Variants in ZFHX3 observed in about 807,000 individuals in gnomAD.
The protein encoded by ZFHX3 is zinc finger homeobox protein 3.
ZFHX3 carries 42 observed loss-of-function variants against 279.1 expected under a neutral mutation model. The observed-to-expected ratio is 0.15, with a 90% CI of 0.12 to 0.19. The LOEUF (loss-of-function observed/expected upper bound fraction) is 0.19. Among genes scored for constraint, ZFHX3 ranks in the 10% least tolerant of loss-of-function variants. The pLI, the probability that ZFHX3 is intolerant of heterozygous loss-of-function variation, is 1.00. For synonymous variants in ZFHX3, 2,293 were observed against 1,957.8 expected, an observed-to-expected ratio of 1.17 and a Z score of -4.52; for missense variants, 4,981 against 4,754.0, an observed-to-expected ratio of 1.05 and a Z score of -1.40.
intron 2 of ZFHX3, among the ~76,000 whole-genome samples, chr16:73,562,412 G>A (rs953931115): frequency 1.3e-5 from 2 of 151,986 alleles, no homozygotes; most frequent in Non-Finnish European, 2.9e-5. Flanking sequence ...TGGCTAACAC[G>A]GTGAAACCCT....
At chr16:73,347,225 A>G (rs1347137826) in intron 3 of ZFHX3, among the ~76,000 whole-genome samples, 1 of 152,224 alleles carries the variant, frequency 6.6e-6, no homozygotes, top group Admixed American at 6.5e-5. Flanking sequence ...ACTTCCTGAC[A>G]CAGCAGGGCC....
At chr16:73,693,577 T>C (rs141118363) in intron 1 of ZFHX3, among the ~76,000 whole-genome samples, 2,326 of 151,480 alleles carry the variant, frequency 0.015, 57 homozygotes, top group African/African-American at 0.053. Context: ...AAGAGGAAAG[T>C]TGGGTTCTTT....
chr16:73,820,066 G>A (rs995483116), intron 1 of ZFHX3, among the ~76,000 whole-genome samples: 5 of 152,162 alleles, frequency 3.3e-5, no homozygotes, highest in Non-Finnish European at 5.9e-5. Flanking sequence ...CAACATGGCA[G>A]AAGTGACGCA....
intron 2 of ZFHX3, among the ~76,000 whole-genome samples, chr16:73,537,908 T>G (rs1166041962): frequency 6.6e-6 from 1 of 152,234 alleles, no homozygotes; most frequent in African/African-American, 2.4e-5. Flanking sequence ...ATTCGACTTA[T>G]CGATACAATC....
At chr16:72,871,129 TA>T (rs2038150869) in intron 4 of ZFHX3, among the ~76,000 whole-genome samples, 1 of 152,218 alleles carries the variant, frequency 6.6e-6, no homozygotes, top group South Asian at 2.1e-4. Flanking sequence ...TCTTACTATG[TA>T]AAGTACATTA....
chr16:72,998,848 G>C (rs1311217214), intron 1 of ZFHX3, among the ~76,000 whole-genome samples: 3 of 152,202 alleles, frequency 2.0e-5, no homozygotes, highest in African/African-American at 7.2e-5. Context: ...GATTTTCACA[G>C]AATTGTGTAC....
At chr16:72,935,345 C>T (rs1003036191) in intron 3 of ZFHX3, among the ~76,000 whole-genome samples, 4 of 152,114 alleles carry the variant, frequency 2.6e-5, no homozygotes, top group Non-Finnish European at 5.9e-5. Context: ...CAAAGACGCT[C>T]GCCCAAGGAT....
chr16:73,181,135 T>A (rs1967785375), intron 5 of ZFHX3, among the ~76,000 whole-genome samples: 1 of 150,614 alleles, frequency 6.6e-6, no homozygotes, highest in African/African-American at 2.4e-5. Context: ...GGAGTCTTGC[T>A]CTGTTGCCAG....
intron 5 of ZFHX3, among the ~76,000 whole-genome samples, chr16:73,242,229 T>C (rs2013144927): frequency 6.6e-6 from 1 of 152,046 alleles, no homozygotes; most frequent in African/African-American, 2.4e-5. Flanking sequence ...ATCACAAAGG[T>C]AGTCAGGGCA....
intron 5 of ZFHX3, among the ~76,000 whole-genome samples, chr16:73,182,227 C>T (rs974669644): frequency 6.6e-6 from 1 of 152,140 alleles, no homozygotes; most frequent in Non-Finnish European, 1.5e-5. Flanking sequence ...GAGGCCAAGG[C>T]GGGCAGATCA....
intron 6 of ZFHX3, among the ~76,000 whole-genome samples, chr16:73,135,307 G>A (rs1966768816): frequency 6.6e-6 from 1 of 152,148 alleles, no homozygotes; most frequent in South Asian, 2.1e-4. Context: ...TCATTCACCA[G>A]CTCAATATGT....
chr16:73,891,311 C>G (rs2030530037), intron 1 of ZFHX3, among the ~76,000 whole-genome samples: 1 of 152,118 alleles, frequency 6.6e-6, no homozygotes, highest in African/African-American at 2.4e-5. Flanking sequence ...AGATCAGACG[C>G]TAAGACAGGG....
At chr16:72,936,993 C>A (rs8049875) in intron 3 of ZFHX3, among the ~76,000 whole-genome samples, 15,349 of 152,078 alleles carry the variant, frequency 0.1, 1,018 homozygotes, top group African/African-American at 0.19. Flanking sequence ...GAGCAAAAGA[C>A]AAGGAGCCCC....
chr16:73,234,081 G>T (rs893061329), intron 5 of ZFHX3: 1 of 152,522 alleles, frequency 6.6e-6, no homozygotes, highest in Non-Finnish European at 1.5e-5. Context: ...GCAAATGTGT[G>T]CTTGTATGAG....
chr16:72,955,314 T>TC (rs1961201323), intron 2 of ZFHX3, among the ~76,000 whole-genome samples: 1 of 152,208 alleles, frequency 6.6e-6, no homozygotes, highest in South Asian at 2.1e-4. Flanking sequence ...GTGTGGCCCT[T>TC]CCATGTGTGT....
chr16:73,814,252 G>C (rs1309721713), intron 1 of ZFHX3, among the ~76,000 whole-genome samples: 1 of 152,054 alleles, frequency 6.6e-6, no homozygotes, highest in Non-Finnish European at 1.5e-5. Flanking sequence ...CAAATGGAGA[G>C]ACAATAAATG....
chr16:73,629,339 A>G (rs576644022), intron 2 of ZFHX3, among the ~76,000 whole-genome samples: 1 of 152,266 alleles, frequency 6.6e-6, no homozygotes, highest in African/African-American at 2.4e-5. Context: ...GTCTGACTCC[A>G]GCAGATTCAG....
chr16:73,067,606 T>G (rs1329780694), intron 8 of ZFHX3, among the ~76,000 whole-genome samples: 3 of 152,222 alleles, frequency 2.0e-5, no homozygotes. Flanking sequence ...GCTGTGCAGT[T>G]GGAATGGACC....
chr16:72,963,770 C>A (rs1567609217), intron 1 of ZFHX3, among the ~76,000 whole-genome samples: 1 of 152,140 alleles, frequency 6.6e-6, no homozygotes, highest in Non-Finnish European at 1.5e-5. Flanking sequence ...GCAACAGTTT[C>A]AGGGAAGCTG....
Sources: gnomAD v4.1 joint callset for allele counts (sites outside exome capture counted in the v4.1 genomes callset) on GRCh38, gnomAD v4.1.1 for gene constraint, MANE v1.5 for transcripts, NCBI Gene and HGNC (gene_info 2026-07-23, HGNC 2026-07-21) for gene names.